CTTNBP2: variants seen among roughly 807,000 people sequenced by gnomAD.
The protein encoded by CTTNBP2 is cortactin binding protein 2, also known as cortactin-binding protein 2.
CTTNBP2 carries 108 observed loss-of-function variants against 156.9 expected under a neutral mutation model. That is an observed-to-expected ratio of 0.69 (90% CI 0.59 to 0.81). CTTNBP2 has a LOEUF of 0.81. Ranked by LOEUF, CTTNBP2 falls within the 30% of genes least tolerant of loss-of-function variation. CTTNBP2 has a pLI of 0.00. For synonymous variants in CTTNBP2, 767 were observed against 751.8 expected, an observed-to-expected ratio of 1.02 and a Z score of -0.33; for missense variants, 1,924 against 2,035.4, an observed-to-expected ratio of 0.95 and a Z score of 1.05.
At chr7:117,711,887 C>T (rs1292118222) in intron 22 of CTTNBP2, 105 bp from the exon 23 acceptor site, 6 of 1,132,528 alleles carry the variant, frequency 5.3e-6, no homozygotes, top group African/African-American at 4.7e-5. Context: ...CTCTCTAAAA[C>T]TATAGGTTCT....
chr7:117,745,908 A>G lies in CTTNBP2; in HGVS notation c.3458T>C (p.Phe1153Ser), dbSNP rs1343828542. The G allele has an allele frequency of 1.2e-6, 2 of 1,614,124 alleles. No individual in the cohort carries two copies. Among genetic ancestry groups the G allele is most frequent in the Middle Eastern group, 3.3e-4 (2 of 6,062 alleles). ...TTCAGCTCTCACTATTTCACAGGAG[A>G]ATCCTGCAGCCATTTGTCTGTGCTG... is the stretch of plus-strand genomic sequence containing the variant. ...CLKHRQMAAG[F>S]SCEIVRAEVD... Residue 1153 changes from phenylalanine (F) to serine (S), a missense_variant, in exon 14 of 23, where the codon TTC (phenylalanine) becomes TCC (serine). Physicochemically the swap from Phe to Ser is radical, Grantham distance 155. Transcript: ENST00000160373.
Position 117,796,148 on chromosome 7 carries a change from G to A in CTTNBP2, c.415-3367C>T, listed in dbSNP as rs560084101. 1.0e-3 allele frequency among the ~76,000 whole-genome samples: 159 copies of A among 152,178 alleles called. 2 individuals are homozygous for A. Among genetic ancestry groups the A allele is most frequent in the Non-Finnish European group, 8.8e-5 (6 of 68,006 alleles). On this transcript the variant is annotated intron_variant, in intron 3 of 22. Coordinates refer to ENST00000160373, the MANE Select transcript of CTTNBP2 (RefSeq NM_033427.3). ...TATATTTCCTTCCCTTCAATCTAAG[G>A]GGGAAAGGTTTCCATCTGCTCAGTG...
At chr7:117,850,340 T>C (rs1247604511) in intron 2 of CTTNBP2, among the ~76,000 whole-genome samples, 1 of 152,216 alleles carries the variant, frequency 6.6e-6, no homozygotes, top group East Asian at 1.9e-4. Flanking sequence ...TCCAGCCTGG[T>C]TGACAGAGAC....
At position 117,711,493 on chromosome 7, in the gene CTTNBP2, G is replaced by A. The variant is rs765608668; in HGVS notation, c.*44C>T. ...TTGTATCTTGTTGTCCTTGGTTTCT[G>A]TGTGAAATAGAGGAAGTTAATAATG... is the stretch of plus-strand genomic sequence containing the variant. On this transcript the variant is annotated 3_prime_UTR_variant, in exon 23 of 23. Transcript: ENST00000160373. The A allele has an allele frequency of 4.5e-6, 7 of 1,565,186 alleles. No individual in the cohort carries two copies. The South Asian group carries it at 7.3e-5, about 16-fold the overall frequency.
Position 117,721,134 on chromosome 7 carries a change from T to C in CTTNBP2, c.4448-4A>G. ...GATATAGTCTTATTTTTCATACCTG[T>C]TAAAAAAGAGAACCATTTTCAATAG... is the stretch of plus-strand genomic sequence containing the variant. On this transcript the variant is annotated splice_region_variant and splice_polypyrimidine_tract_variant and intron_variant, in intron 19 of 22. Coordinates refer to ENST00000160373, the MANE Select transcript of CTTNBP2 (RefSeq NM_033427.3). The C allele has an allele frequency of 1.9e-6, 3 of 1,558,506 alleles. No individual in the cohort carries two copies. Among genetic ancestry groups the C allele is most frequent in the Non-Finnish European group, 2.7e-6 (3 of 1,129,400 alleles).
chr7:117,868,633 G>A (rs925275909), intron 1 of CTTNBP2, among the ~76,000 whole-genome samples: 10 of 152,082 alleles, frequency 6.6e-5, no homozygotes, highest in Non-Finnish European at 8.8e-5. Flanking sequence ...CATCATCATC[G>A]TCTCTCGTAC....
intron 2 of CTTNBP2, among the ~76,000 whole-genome samples, chr7:117,830,741 C>T (rs1563050275): frequency 6.6e-6 from 1 of 152,194 alleles, no homozygotes; most frequent in Admixed American, 6.5e-5. Context: ...AGAATGAACG[C>T]CACCCTTCCC....
intron 16 of CTTNBP2, among the ~76,000 whole-genome samples, chr7:117,733,169 T>C (rs1795498899): frequency 6.6e-6 from 1 of 152,210 alleles, no homozygotes; most frequent in Admixed American, 6.5e-5. Flanking sequence ...TCTGTGACAT[T>C]ACAAGATTTC....
At chr7:117,784,218 C>T (rs781610105) in intron 5 of CTTNBP2, 33 bp downstream of exon 5, 3 of 1,477,982 alleles carry the variant, frequency 2.0e-6, no homozygotes, top group Non-Finnish European at 2.7e-6. Context: ...CATCCTTTTG[C>T]AAGTGTGTGG....
At chr7:117,773,003 A>C (rs533759569) in intron 8 of CTTNBP2, among the ~76,000 whole-genome samples, 2 of 152,206 alleles carry the variant, frequency 1.3e-5, no homozygotes, top group Non-Finnish European at 2.9e-5. Context: ...TTTCCAGAAC[A>C]ATTTTTTAAA....
chr7:117,794,186 C>A (rs1035787161), intron 3 of CTTNBP2, among the ~76,000 whole-genome samples: 1 of 152,162 alleles, frequency 6.6e-6, no homozygotes, highest in African/African-American at 2.4e-5. Context: ...AAGTGGGCAG[C>A]CTCACAGTGG....
intron 2 of CTTNBP2, among the ~76,000 whole-genome samples, chr7:117,817,361 A>ATAAATAAATATATATATATATAT (rs1298639361): frequency 3.2e-4 from 17 of 53,308 alleles, no homozygotes; most frequent in African/African-American, 4.5e-4. Flanking sequence ...AAAAAAAAAA[A>ATAAATAAATATATATATATATAT]ATATATATAT....
chr7:117,720,944 CT>C (rs1208467021), intron 20 of CTTNBP2, 122 bp downstream of exon 20: 1 of 736,202 alleles, frequency 1.4e-6, no homozygotes, highest in Admixed American at 2.3e-5. Context: ...ACATATATAA[CT>C]TTTTTAAAAC....
chr7:117,851,403 C>T (rs1442635750), intron 2 of CTTNBP2, among the ~76,000 whole-genome samples: 1 of 152,174 alleles, frequency 6.6e-6, no homozygotes, highest in African/African-American at 2.4e-5. Flanking sequence ...ACACACACAA[C>T]AAATTACATT....
chr7:117,836,199 T>C (rs1025680425), intron 2 of CTTNBP2, among the ~76,000 whole-genome samples: 1 of 152,184 alleles, frequency 6.6e-6, no homozygotes, highest in East Asian at 1.9e-4. Context: ...ATTCTTGGAT[T>C]AGTAAATTGA....
chr7:117,816,933 G>A (rs969611972), intron 2 of CTTNBP2, among the ~76,000 whole-genome samples: 3 of 152,074 alleles, frequency 2.0e-5, no homozygotes, highest in Admixed American at 6.6e-5. Flanking sequence ...AGAATTACTT[G>A]AGAATGAAAC....
chr7:117,759,933 T>C (rs1797099545), intron 10 of CTTNBP2, among the ~76,000 whole-genome samples: 1 of 152,234 alleles, frequency 6.6e-6, no homozygotes. Flanking sequence ...TTGTGCTGTC[T>C]ATCAAATTGA....
In CTTNBP2 at chr7:117,711,717, C is replaced by A. The variant is rs1235976366; in HGVS notation, c.4812G>T (p.Leu1604Phe). ...GAAAAGATTTAACTCTTGAAACACC[C>A]AACTCAGTCTTTGATTTACTGTTGC... ...ECSNSKSKTELGVSRVKSFLP... is the reference protein window; with the variant it reads ...ECSNSKSKTEFGVSRVKSFLP... Residue 1604 changes from leucine to phenylalanine, a missense_variant, in exon 23 of 23, where the codon TTG becomes TTT. By Grantham distance (22) the Leu-to-Phe change is conservative. Transcript: ENST00000160373. The A allele has an allele frequency of 6.2e-7, 1 of 1,613,908 alleles. No homozygotes were observed. Among genetic ancestry groups the A allele is most frequent in the Non-Finnish European group, 8.5e-7 (1 of 1,179,912 alleles).
At chr7:117,805,500 T>TA (rs1350668318) in intron 3 of CTTNBP2, among the ~76,000 whole-genome samples, 1 of 152,206 alleles carries the variant, frequency 6.6e-6, no homozygotes, top group Non-Finnish European at 1.5e-5. Context: ...TAAAATGCAA[T>TA]AATAATAGCC....
Sources: allele counts gnomAD v4.1 joint callset (sites outside exome capture counted in the v4.1 genomes callset), GRCh38; gene constraint gnomAD v4.1.1; transcripts MANE v1.5; gene names NCBI Gene and HGNC (gene_info 2026-07-23, HGNC 2026-07-21).